The following RAB28 variants were observed in gnomAD, a reference collection of about 807,000 sequenced individuals.
The protein encoded by RAB28 is RAB28, member RAS oncogene family.
A neutral mutation model predicts 31.7 loss-of-function variants in RAB28; 24 were observed. That is an observed-to-expected ratio of 0.76 (90% CI 0.55 to 1.06). The LOEUF (loss-of-function observed/expected upper bound fraction) is 1.06. RAB28 is among the 50% of genes least tolerant of loss of function. The pLI, the probability that RAB28 is intolerant of heterozygous loss-of-function variation, is 0.00. For missense variants in RAB28, 254 were observed against 258.5 expected (o/e 0.98, Z 0.12); for synonymous variants, 100 against 90.4 (o/e 1.11, Z -0.60).
chr4:13,397,096 T>C (rs931473325), intron 4 of RAB28, among the ~76,000 whole-genome samples: 4 of 152,108 alleles, frequency 2.6e-5, no homozygotes, highest in Non-Finnish European at 5.9e-5. Context: ...ATCAATTGTG[T>C]CTAAAATAAT....
At chr4:13,443,755 G>C (rs1035265508) in intron 4 of RAB28, among the ~76,000 whole-genome samples, 1 of 152,078 alleles carries the variant, frequency 6.6e-6, no homozygotes, top group African/African-American at 2.4e-5. Context: ...TCTATTAACT[G>C]TAGTTACCAT....
At chr4:13,467,683 T>TA (rs1715926483) in intron 3 of RAB28, among the ~76,000 whole-genome samples, 1 of 151,322 alleles carries the variant, frequency 6.6e-6, no homozygotes, top group African/African-American at 2.4e-5. Context: ...GGAGAGAAAA[T>TA]ACTCAAATAA....
At chr4:13,458,020 A>G (rs1461831604) in intron 4 of RAB28, among the ~76,000 whole-genome samples, 1 of 152,242 alleles carries the variant, frequency 6.6e-6, no homozygotes, top group East Asian at 1.9e-4. Flanking sequence ...TAAAATGAGA[A>G]GCTGAACCCA....
At chr4:13,409,215 T>C (rs543920254) in intron 4 of RAB28, among the ~76,000 whole-genome samples, 41 of 152,246 alleles carry the variant, frequency 2.7e-4, no homozygotes, top group Middle Eastern at 3.4e-3. Context: ...TTACCTCTGA[T>C]AGTAAATAAT....
chr4:13,385,310 C>T (rs1307684095), intron 4 of RAB28, among the ~76,000 whole-genome samples: 1 of 152,140 alleles, frequency 6.6e-6, no homozygotes, highest in Non-Finnish European at 1.5e-5. Context: ...TCTCCCCAAC[C>T]TAGCTAGAGA....
intron 1 of RAB28, among the ~76,000 whole-genome samples, chr4:13,483,850 G>A (rs1285063654): frequency 2.0e-5 from 3 of 152,244 alleles, no homozygotes; most frequent in African/African-American, 7.2e-5. Context: ...CGCAATCCAG[G>A]CGGGGAGTTA....
intron 1 of RAB28, among the ~76,000 whole-genome samples, chr4:13,482,065 T>G (rs1716630502): frequency 6.6e-6 from 1 of 152,108 alleles, no homozygotes; most frequent in South Asian, 2.1e-4. Flanking sequence ...GCTGTTACAG[T>G]TTTAAAATAA....
At chr4:13,410,355 G>A (rs184225112) in intron 4 of RAB28, among the ~76,000 whole-genome samples, 116 of 151,968 alleles carry the variant, frequency 7.6e-4, no homozygotes, top group African/African-American at 2.7e-3. Flanking sequence ...CTCCTACAAC[G>A]GATAAGGGTC....
At chr4:13,386,043 A>G (rs1447852214) in intron 4 of RAB28, among the ~76,000 whole-genome samples, 2 of 152,220 alleles carry the variant, frequency 1.3e-5, no homozygotes, top group Non-Finnish European at 2.9e-5. Context: ...AACCTTCTAC[A>G]GAGCAAAAGA....
At chr4:13,479,638 G>A in intron 1 of RAB28, 112 bp from the exon 2 acceptor site, 2 of 697,718 alleles carry the variant, frequency 2.9e-6, no homozygotes, top group South Asian at 3.7e-5. Context: ...AATCCAACAA[G>A]CAAATTTAAG....
intron 4 of RAB28, among the ~76,000 whole-genome samples, chr4:13,441,166 G>C (rs975241020): frequency 6.6e-6 from 1 of 152,166 alleles, no homozygotes; most frequent in Non-Finnish European, 1.5e-5. Context: ...ACAAAGGAAA[G>C]TTAATACGCA....
At chr4:13,438,417 G>A (rs1231091091) in intron 4 of RAB28, among the ~76,000 whole-genome samples, 2 of 152,042 alleles carry the variant, frequency 1.3e-5, no homozygotes, top group African/African-American at 4.8e-5. Context: ...CATATTAGTA[G>A]TCATTACCTT....
intron 6 of RAB28, chr4:13,370,050 A>C: frequency 6.6e-7 from 1 of 1,519,578 alleles, no homozygotes; most frequent in Non-Finnish European, 8.8e-7. Context: ...TCAATGACTG[A>C]ATATAGAAGG....
chr4:13,428,944 C>CTTT (rs35547595), intron 4 of RAB28, among the ~76,000 whole-genome samples: 22 of 133,536 alleles, frequency 1.6e-4, no homozygotes, highest in African/African-American at 4.9e-4. Context: ...TCTAATTTCA[C>CTTT]TTTTTTTTTT....
chr4:13,371,519 C>T (rs1237325373), intron 6 of RAB28: 1 of 985,054 alleles, frequency 1.0e-6, no homozygotes, highest in Non-Finnish European at 1.2e-6. Context: ...ATGTAAATGA[C>T]TTGGATTTCA....
chr4:13,459,716 A>G (rs978731454), intron 4 of RAB28: 1 of 1,015,892 alleles, frequency 9.8e-7, no homozygotes. Flanking sequence ...AAAAAAAACA[A>G]AAATTTAGAA....
intron 4 of RAB28, among the ~76,000 whole-genome samples, chr4:13,443,910 T>C (rs1714549643): frequency 6.6e-6 from 1 of 152,186 alleles, no homozygotes; most frequent in African/African-American, 2.4e-5. Flanking sequence ...TTTTTTAGAT[T>C]CCACATACAA....
At chr4:13,408,968 G>T (rs1162850336) in intron 4 of RAB28, among the ~76,000 whole-genome samples, 1 of 152,132 alleles carries the variant, frequency 6.6e-6, no homozygotes, top group Non-Finnish European at 1.5e-5. Context: ...TGCATGCTAA[G>T]AAGTTATGAA....
chr4:13,450,980 T>A (rs960057958), intron 4 of RAB28, among the ~76,000 whole-genome samples: 3 of 151,744 alleles, frequency 2.0e-5, no homozygotes, highest in Admixed American at 2.0e-4. Flanking sequence ...TAAATTTGGG[T>A]AAGGAGTTTG....
Sources: allele counts gnomAD v4.1 joint callset (sites outside exome capture counted in the v4.1 genomes callset), GRCh38; gene constraint gnomAD v4.1.1; transcripts MANE v1.5; gene names NCBI Gene and HGNC (gene_info 2026-07-23, HGNC 2026-07-21).